Variants in SDK1 observed in about 807,000 individuals in gnomAD.
SDK1 encodes protein sidekick-1.
Under a neutral mutation model 245.5 loss-of-function variants are expected in SDK1, and 157 were observed. The ratio of observed to expected loss-of-function variants is 0.64; its 90% CI spans 0.56 to 0.73. The LOEUF (loss-of-function observed/expected upper bound fraction) is 0.73, where lower values mean the gene tolerates loss of function less well. Among genes scored for constraint, SDK1 ranks in the 30% least tolerant of loss-of-function variants. The pLI, the probability that SDK1 is intolerant of heterozygous loss-of-function variation, is 0.00. For missense variants in SDK1, 3,583 were observed against 3,002.3 expected (o/e 1.19, Z -4.52); for synonymous variants, 1,647 against 1,278.5 (o/e 1.29, Z -6.15).
At chr7:3,537,809 A>G (rs983116020) in intron 1 of SDK1, among the ~76,000 whole-genome samples, 1 of 152,144 alleles carries the variant, frequency 6.6e-6, no homozygotes, top group African/African-American at 2.4e-5. Flanking sequence ...TCTGCCTAGA[A>G]GGTGATAGCC....
In SDK1 at chr7:4,011,030, C is replaced by A. The variant is rs1785906551; in HGVS notation, c.2196C>A (p.Gly732=). ...AGATGACAGGCGTCACCGTGAGTGG[C>A]CTGACTCCGGCTCGTACCTATCAAT... ...GPEMTGVTVS[G]LTPARTYQFR... Residue 732 remains glycine (G), a synonymous_variant, in exon 15 of 45, where the codon GGC becomes GGA. Coordinates refer to ENST00000404826, the MANE Select transcript of SDK1 (RefSeq NM_152744.4). 1.9e-6 allele frequency: 3 copies of A among 1,614,086 alleles called. No individual in the cohort carries two copies. Among genetic ancestry groups the A allele is most frequent in the Non-Finnish European group, 1.7e-6 (2 of 1,180,044 alleles).
intron 4 of SDK1, among the ~76,000 whole-genome samples, chr7:3,790,518 C>G (rs1349767761): frequency 6.6e-6 from 1 of 152,114 alleles, no homozygotes; most frequent in South Asian, 2.1e-4. Context: ...GTTAAAAAGT[C>G]TAACAGTCGG....
chr7:3,653,606 G>A (rs942182987), intron 4 of SDK1, among the ~76,000 whole-genome samples: 2 of 152,052 alleles, frequency 1.3e-5, no homozygotes, highest in Non-Finnish European at 2.9e-5. Flanking sequence ...GAGGGAAGGA[G>A]GAATTAGAAC....
intron 25 of SDK1, among the ~76,000 whole-genome samples, chr7:4,121,277 G>A (rs917273604): frequency 7.9e-5 from 12 of 152,054 alleles, no homozygotes; most frequent in African/African-American, 2.7e-4. Context: ...CATGTATGGT[G>A]ATACGGTTTG....
At chr7:3,944,315 C>T (rs1780491832) in intron 5 of SDK1, among the ~76,000 whole-genome samples, 1 of 152,192 alleles carries the variant, frequency 6.6e-6, no homozygotes, top group Non-Finnish European at 1.5e-5. Flanking sequence ...ATGTGTAAAT[C>T]ATTTACCAAG....
chr7:3,801,200 T>C (rs1233034334), intron 4 of SDK1, among the ~76,000 whole-genome samples: 1 of 152,240 alleles, frequency 6.6e-6, no homozygotes, highest in Non-Finnish European at 1.5e-5. Flanking sequence ...CTATTTCATA[T>C]AACTGGGTTT....
At chr7:4,047,791 C>G (rs1789127877) in intron 17 of SDK1, among the ~76,000 whole-genome samples, 1 of 152,216 alleles carries the variant, frequency 6.6e-6, no homozygotes, top group Non-Finnish European at 1.5e-5. Flanking sequence ...GCAACCTAAG[C>G]TGTCTTATGG....
At chr7:3,830,667 T>A (rs947136931) in intron 5 of SDK1, among the ~76,000 whole-genome samples, 2 of 152,128 alleles carry the variant, frequency 1.3e-5, no homozygotes, top group Non-Finnish European at 2.9e-5. Context: ...GGCTAATTTT[T>A]AAAAAATTTT....
At chr7:3,901,864 T>A (rs868759321) in intron 5 of SDK1, among the ~76,000 whole-genome samples, 1 of 152,224 alleles carries the variant, frequency 6.6e-6, no homozygotes, top group Non-Finnish European at 1.5e-5. Context: ...TTGTTCTTTG[T>A]GTTAATTGAA....
chr7:4,246,143 A>G (rs568739169), intron 44 of SDK1, among the ~76,000 whole-genome samples: 2 of 152,166 alleles, frequency 1.3e-5, no homozygotes, highest in Admixed American at 6.5e-5. Context: ...AGGCTGATTG[A>G]TGGAAGCGCA....
At chr7:3,420,841 G>A (rs1206764790) in intron 1 of SDK1, among the ~76,000 whole-genome samples, 1 of 152,058 alleles carries the variant, frequency 6.6e-6, no homozygotes, top group Non-Finnish European at 1.5e-5. Flanking sequence ...TTGCTGCACC[G>A]ATTAACCCAT....
intron 19 of SDK1, among the ~76,000 whole-genome samples, chr7:4,066,567 G>C (rs571032326): frequency 6.6e-6 from 1 of 152,194 alleles, no homozygotes; most frequent in Non-Finnish European, 1.5e-5. Flanking sequence ...TGGGAGTAAC[G>C]GCATCCGGGA....
In SDK1 at chr7:3,758,511, T is replaced by C. The variant is rs559893293; in HGVS notation, c.714-62939T>C. 2.6e-4 allele frequency among the ~76,000 whole-genome samples: 39 copies of C among 152,350 alleles called. No homozygotes were observed. The South Asian group carries it at 3.9e-3, about 15-fold the overall frequency. On this transcript the variant is annotated intron_variant, in intron 4 of 44. Coordinates refer to ENST00000404826, the MANE Select transcript of SDK1 (RefSeq NM_152744.4). ...CATTAACACTAATGCGAAACTGTAA[T>C]TATTTTTGTACCAACCTAATAGATT...
intron 25 of SDK1, among the ~76,000 whole-genome samples, chr7:4,115,523 A>T (rs1407729115): frequency 6.6e-6 from 1 of 152,162 alleles, no homozygotes; most frequent in Non-Finnish European, 1.5e-5. Flanking sequence ...CTCTGCGTTA[A>T]TGAGAATATT....
chr7:3,687,056 A>AAAACACACACACACAC (rs758259836), intron 4 of SDK1, among the ~76,000 whole-genome samples: 10 of 135,162 alleles, frequency 7.4e-5, no homozygotes, highest in South Asian at 2.5e-4. Context: ...ATAGCATCAA[A>AAAACACACACACACAC]ACACACACAC....
chr7:3,893,722 A>G (rs969988141), intron 5 of SDK1, among the ~76,000 whole-genome samples: 2 of 151,174 alleles, frequency 1.3e-5, no homozygotes, highest in Admixed American at 1.3e-4. Flanking sequence ...CTCCACAGAC[A>G]TTCAGGATCT....
chr7:3,957,151 A>G (rs1250123583), intron 7 of SDK1, among the ~76,000 whole-genome samples: 1 of 152,036 alleles, frequency 6.6e-6, no homozygotes, highest in African/African-American at 2.4e-5. Context: ...CAGAGAACGG[A>G]TTAGTGGTTG....
chr7:4,113,715 A>AT (rs1395998898), intron 24 of SDK1, among the ~76,000 whole-genome samples: 4 of 152,204 alleles, frequency 2.6e-5, no homozygotes, highest in Non-Finnish European at 5.9e-5. Flanking sequence ...CCAGAACTCT[A>AT]AGTCCTTAAG....
At chr7:3,669,724 G>C (rs1478737685) in intron 4 of SDK1, among the ~76,000 whole-genome samples, 2 of 152,244 alleles carry the variant, frequency 1.3e-5, no homozygotes, top group Non-Finnish European at 2.9e-5. Context: ...AGCACTTGCA[G>C]ATGACTCACA....
Sources: gnomAD v4.1 joint callset for allele counts (sites outside exome capture counted in the v4.1 genomes callset) on GRCh38, gnomAD v4.1.1 for gene constraint, MANE v1.5 for transcripts, NCBI Gene and HGNC (gene_info 2026-07-23, HGNC 2026-07-21) for gene names.